The following NRXN3 variants were observed in gnomAD, a reference collection of about 807,000 sequenced individuals.
NRXN3 encodes neurexin III.
A neutral mutation model predicts 137.6 loss-of-function variants in NRXN3; 32 were observed. The ratio of observed to expected loss-of-function variants is 0.23; its 90% CI spans 0.18 to 0.31. The LOEUF (loss-of-function observed/expected upper bound fraction) is 0.31. NRXN3 is among the 10% of genes least tolerant of loss of function. The pLI is 1.00. For synonymous variants in NRXN3, 798 were observed against 784.5 expected (o/e 1.02, Z -0.29); for missense variants, 1,574 against 2,062.5 (o/e 0.76, Z 4.59).
In NRXN3 at chr14:79,860,053, A is replaced by G. The variant is rs925891630; in HGVS notation, c.4094-1289A>G. On this transcript the variant is annotated intron_variant, in intron 20 of 20. Coordinates refer to ENST00000335750, the MANE Select transcript of NRXN3 (RefSeq NM_001330195.2). ...GTAGGGTAAGCAACCACTACTGCAG[A>G]ATATTTGTGGTACCCATGATCTGCA... Among the ~76,000 whole-genome samples the G allele has an allele frequency of 2.6e-5, 4 of 152,216 alleles. No homozygotes were observed. The East Asian group carries it at 7.7e-4, about 29-fold the overall frequency.
intron 16 of NRXN3, among the ~76,000 whole-genome samples, chr14:79,548,778 C>T (rs547761439): frequency 6.6e-6 from 1 of 151,800 alleles, no homozygotes; most frequent in South Asian, 2.1e-4. Flanking sequence ...AAATCATGTT[C>T]CCTAAACACA....
chr14:78,444,132 G>T (rs2094343552), intron 4 of NRXN3, among the ~76,000 whole-genome samples: 2 of 152,210 alleles, frequency 1.3e-5, no homozygotes, highest in Admixed American at 6.5e-5. Flanking sequence ...TCCCACTTTA[G>T]TGGGAAGGGA....
At chr14:78,304,102 C>T (rs2077130552) in intron 4 of NRXN3, among the ~76,000 whole-genome samples, 1 of 151,988 alleles carries the variant, frequency 6.6e-6, no homozygotes, top group Non-Finnish European at 1.5e-5. Flanking sequence ...TAACATGTAC[C>T]CCTTTTCACA....
chr14:78,576,316 C>G (rs961116698), intron 4 of NRXN3, among the ~76,000 whole-genome samples: 3 of 152,128 alleles, frequency 2.0e-5, no homozygotes, highest in Non-Finnish European at 4.4e-5. Context: ...CTTCCTTCAC[C>G]TTTCATGAAC....
At chr14:79,212,773 C>A (rs1211917114) in intron 15 of NRXN3, among the ~76,000 whole-genome samples, 1 of 151,034 alleles carries the variant, frequency 6.6e-6, no homozygotes, top group Non-Finnish European at 1.5e-5. Flanking sequence ...CAGGCCTTCT[C>A]AGAGCCTTAA....
chr14:78,586,047 T>C (rs150603978), intron 4 of NRXN3, among the ~76,000 whole-genome samples: 59 of 152,300 alleles, frequency 3.9e-4, no homozygotes, highest in African/African-American at 1.4e-3. Context: ...GGAGCAGGAA[T>C]TGTCAGACAG....
chr14:78,823,122 CA>C (rs1224152408), intron 10 of NRXN3, among the ~76,000 whole-genome samples: 2 of 152,176 alleles, frequency 1.3e-5, no homozygotes, highest in African/African-American at 4.8e-5. Flanking sequence ...AATTATTATT[CA>C]GGAACAGAGA....
chr14:78,694,141 G>T (rs2098201748), intron 6 of NRXN3, among the ~76,000 whole-genome samples: 1 of 151,878 alleles, frequency 6.6e-6, no homozygotes, highest in African/African-American at 2.4e-5. Context: ...TGATTTCATG[G>T]TAGTTTGGAA....
intron 15 of NRXN3, among the ~76,000 whole-genome samples, chr14:79,345,347 A>T (rs2092813985): frequency 6.6e-6 from 1 of 152,214 alleles, no homozygotes; most frequent in African/African-American, 2.4e-5. Flanking sequence ...TACTTGCTTT[A>T]GGTGGGTAAG....
In NRXN3 at chr14:79,467,218, C is replaced by T. The variant is rs1399241857; in HGVS notation, c.3263-3C>T. 3.8e-6 allele frequency: 6 copies of T among 1,592,214 alleles called. No individual in the cohort carries two copies. Among genetic ancestry groups the T allele is most frequent in the African/African-American group, 1.3e-5 (1 of 74,624 alleles). The stretch of plus-strand genomic sequence containing the variant: ...ATGTCTCCCTCTCTCCTTGCTTTTG[C>T]AGCTGGCGCTACGTACATCTTTGGG... On this transcript the variant is annotated splice_polypyrimidine_tract_variant and splice_region_variant and intron_variant, in intron 15 of 20. Coordinates refer to ENST00000335750, the MANE Select transcript of NRXN3 (RefSeq NM_001330195.2).
intron 17 of NRXN3, among the ~76,000 whole-genome samples, chr14:79,667,325 C>T (rs1274318702): frequency 2.6e-5 from 4 of 152,002 alleles, no homozygotes; most frequent in African/African-American, 9.7e-5. Flanking sequence ...ACAGTAAAGA[C>T]ATACAGAGTA....
rs995801061 is a variant in NRXN3 at position 79,792,936 on chromosome 14, C to A, written c.4015-12176C>A. ...TCATCATTCTTTTTCAAAGTGGTTG[C>A]ATTAAAACCCAGAATTCTCAGAGGT... On this transcript the variant is annotated intron_variant, in intron 19 of 20. Transcript: ENST00000335750. Among the ~76,000 whole-genome samples the A allele has an allele frequency of 2.0e-5, 3 of 152,040 alleles. No homozygotes were observed. The East Asian group carries it at 5.8e-4, about 29-fold the overall frequency.
intron 15 of NRXN3, among the ~76,000 whole-genome samples, chr14:79,324,814 T>A (rs917027300): frequency 2.0e-5 from 3 of 152,220 alleles, no homozygotes; most frequent in Non-Finnish European, 4.4e-5. Flanking sequence ...CTTGTATCAA[T>A]GTAAAGTATG....
intron 15 of NRXN3, among the ~76,000 whole-genome samples, chr14:79,227,098 G>A (rs964862098): frequency 2.6e-5 from 4 of 151,880 alleles, no homozygotes; most frequent in African/African-American, 7.3e-5. Flanking sequence ...AATTACAGGC[G>A]TGAGCCACCG....
At chr14:78,225,835 A>G (rs2064480951) in intron 1 of NRXN3, among the ~76,000 whole-genome samples, 1 of 151,216 alleles carries the variant, frequency 6.6e-6, no homozygotes, top group Non-Finnish European at 1.5e-5. Context: ...TTAATCTATC[A>G]CCTCCCCTTA....
At chr14:78,191,864 C>T (rs1321910328) in intron 1 of NRXN3, among the ~76,000 whole-genome samples, 6 of 152,122 alleles carry the variant, frequency 3.9e-5, no homozygotes, top group African/African-American at 9.7e-5. Context: ...TTAAATCATC[C>T]CTTCCCCTCT....
chr14:78,681,832 C>T (rs1194319171), intron 6 of NRXN3, among the ~76,000 whole-genome samples: 3 of 152,100 alleles, frequency 2.0e-5, no homozygotes, highest in Non-Finnish European at 2.9e-5. Flanking sequence ...AAGCTCTTTT[C>T]CTCATTGCGT....
At chr14:79,625,780 CAT>C (rs1251883907) in intron 16 of NRXN3, among the ~76,000 whole-genome samples, 4 of 152,154 alleles carry the variant, frequency 2.6e-5, no homozygotes, top group African/African-American at 9.6e-5. Context: ...GTTTTACAGA[CAT>C]AGCATCTGTA....
chr14:79,498,166 C>T (rs1421914878), intron 16 of NRXN3, among the ~76,000 whole-genome samples: 2 of 152,082 alleles, frequency 1.3e-5, no homozygotes, highest in African/African-American at 2.4e-5. Flanking sequence ...AATGAGCATG[C>T]GTTCTATGAG....
Sources: allele counts gnomAD v4.1 joint callset (sites outside exome capture counted in the v4.1 genomes callset), GRCh38; gene constraint gnomAD v4.1.1; transcripts MANE v1.5; gene names NCBI Gene and HGNC (gene_info 2026-07-23, HGNC 2026-07-21).